The following TBXAS1 variants were observed in gnomAD, a reference collection of about 807,000 sequenced individuals.
TBXAS1 encodes thromboxane-A synthase.
Under a neutral mutation model 60.7 loss-of-function variants are expected in TBXAS1, and 48 were observed. The ratio of observed to expected loss-of-function variants is 0.79; its 90% CI spans 0.63 to 1.01. TBXAS1 has a LOEUF of 1.01. Ranked by LOEUF, TBXAS1 falls within the 50% of genes least tolerant of loss-of-function variation. The pLI, the probability that TBXAS1 is intolerant of heterozygous loss-of-function variation, is 0.00. For synonymous variants in TBXAS1, 287 were observed against 269.7 expected (o/e 1.06, Z -0.63); for missense variants, 685 against 686.3 (o/e 1.00, Z 0.02).
chr7:139,803,939 G>C lies in TBXAS1; in HGVS notation c.-80+16513G>C, dbSNP rs146818396. Among the ~76,000 whole-genome samples the C allele has an allele frequency of 1.9e-3, 294 of 152,336 alleles. 2 individuals are homozygous for C. Among genetic ancestry groups the C allele is most frequent in the African/African-American group, 6.7e-3 (279 of 41,572 alleles). ...GAGCTCTCATGGAGAACCTCTGCTAGGGCAGTGCAGAAAAGAAATGTGGGT... is the reference window on the plus strand; with the variant it reads ...GAGCTCTCATGGAGAACCTCTGCTACGGCAGTGCAGAAAAGAAATGTGGGT... On this transcript the variant is annotated intron_variant, in intron 4 of 16. Coordinates refer to the TBXAS1 transcript ENST00000336425.
intron 1 of TBXAS1, among the ~76,000 whole-genome samples, chr7:139,841,428 G>A (rs1293178692): frequency 2.0e-5 from 3 of 151,912 alleles, no homozygotes. Context: ...CATTTTAAAG[G>A]CATGGATAAT....
chr7:139,872,729 G>T (rs1192139749), intron 2 of TBXAS1, among the ~76,000 whole-genome samples: 1 of 152,172 alleles, frequency 6.6e-6, no homozygotes, highest in African/African-American at 2.4e-5. Context: ...ATGAAACATT[G>T]GTCTTGTCCA....
intron 1 of TBXAS1, among the ~76,000 whole-genome samples, chr7:139,834,130 T>C (rs897063520): frequency 1.3e-5 from 2 of 152,026 alleles, no homozygotes; most frequent in Admixed American, 1.3e-4. Flanking sequence ...CACAACAGAA[T>C]AAAACTGGAA....
chr7:139,925,370 A>C (rs921280889), intron 4 of TBXAS1, among the ~76,000 whole-genome samples: 1 of 152,138 alleles, frequency 6.6e-6, no homozygotes, highest in Non-Finnish European at 1.5e-5. Context: ...TTCTTCAGTA[A>C]AGTTAATTCC....
At chr7:139,806,242 GTTATTTTATT>G (rs56308016) in intron 4 of TBXAS1, among the ~76,000 whole-genome samples, 47 of 126,032 alleles carry the variant, frequency 3.7e-4, no homozygotes, top group Non-Finnish European at 5.4e-4. Flanking sequence ...CCTGGCCTAT[GTTATTTTATT>G]TTATTTTATT....
rs879069362 is a variant in TBXAS1, at chr7:140,015,823, G to C, written c.1327G>C (p.Glu443Gln). ...CGTGGGTGCCCTGCACCATGACCCTGAGCACTGGCCAAGCCCGGAGACCTT... is the reference window on the plus strand; with the variant it reads ...CGTGGGTGCCCTGCACCATGACCCTCAGCACTGGCCAAGCCCGGAGACCTT... ...MAVGALHHDP[E>Q]HWPSPETFNP... The change falls in exon 11 of 13, where the codon GAG becomes CAG. Residue 443 changes from glutamate (E) to glutamine (Q), a missense_variant. By Grantham distance (29) the Glu-to-Gln change is conservative. Transcript: ENST00000448866. 1.2e-6 allele frequency: 2 copies of C among 1,613,816 alleles called. No homozygotes were observed. The highest frequency in any genetic ancestry group is 1.1e-5 in the South Asian group (1 of 91,086).
In TBXAS1 at chr7:139,951,330, T is replaced by C. The variant is rs1184119850; in HGVS notation, c.451-2038T>C. On this transcript the variant is annotated intron_variant, in intron 5 of 12. Coordinates refer to ENST00000448866, the MANE Select transcript of TBXAS1 (RefSeq NM_001061.7). ...GGTACAGATCTCAGGAAGTGATTCA[T>C]TTACCATACACCAATCCACACCTGA... is the stretch of plus-strand genomic sequence containing the variant. 2.0e-5 allele frequency among the ~76,000 whole-genome samples: 3 copies of C among 151,930 alleles called. No individual in the cohort carries two copies. The East Asian group carries it at 5.8e-4, about 29-fold the overall frequency.
intron 1 of TBXAS1, among the ~76,000 whole-genome samples, chr7:139,867,132 A>C (rs1378785202): frequency 6.6e-6 from 1 of 152,240 alleles, no homozygotes; most frequent in African/African-American, 2.4e-5. Context: ...CTCTTCTCCA[A>C]TGTGCAGGAC....
At chr7:139,897,952 G>A (rs573137158) in intron 3 of TBXAS1, among the ~76,000 whole-genome samples, 8 of 152,222 alleles carry the variant, frequency 5.3e-5, no homozygotes, top group East Asian at 3.9e-4. Context: ...AATGACAGAC[G>A]GGAGAGCTGA....
intron 10 of TBXAS1, 57 bp from the exon 11 acceptor site, chr7:140,015,666 C>T (rs1814968962): frequency 6.2e-7 from 1 of 1,603,192 alleles, no homozygotes. Flanking sequence ...CAGCACGCCC[C>T]AAGCTCTGCT....
At chr7:139,833,352 T>A (rs1051513953) in intron 1 of TBXAS1, among the ~76,000 whole-genome samples, 3 of 151,350 alleles carry the variant, frequency 2.0e-5, no homozygotes, top group Non-Finnish European at 4.4e-5. Flanking sequence ...TATTCTCATA[T>A]CAGACAAAAC....
At chr7:139,978,716 T>A (rs1397996382) in intron 9 of TBXAS1, among the ~76,000 whole-genome samples, 1 of 142,572 alleles carries the variant, frequency 7.0e-6, no homozygotes, top group Non-Finnish European at 1.5e-5. Flanking sequence ...GGTGGGAGGA[T>A]CACTTGAGGC....
intron 1 of TBXAS1, among the ~76,000 whole-genome samples, chr7:139,836,108 CAA>C (rs1799044830): frequency 6.6e-6 from 1 of 150,722 alleles, no homozygotes; most frequent in Admixed American, 6.6e-5. Flanking sequence ...CATACCTAAC[CAA>C]AGAGTTGAAA....
At chr7:139,934,753 C>T (rs1303300307) in intron 4 of TBXAS1, among the ~76,000 whole-genome samples, 2 of 152,172 alleles carry the variant, frequency 1.3e-5, no homozygotes, top group African/African-American at 4.8e-5. Context: ...CCAATCTCCT[C>T]TTCTAATAAG....
intron 1 of TBXAS1, among the ~76,000 whole-genome samples, chr7:139,869,535 G>A (rs1454486488): frequency 6.6e-6 from 1 of 152,074 alleles, no homozygotes; most frequent in Non-Finnish European, 1.5e-5. Context: ...TTACAGGCAT[G>A]CAACACTACC....
intron 4 of TBXAS1, among the ~76,000 whole-genome samples, chr7:139,811,489 C>G (rs1192570262): frequency 1.3e-5 from 2 of 152,224 alleles, no homozygotes; most frequent in Non-Finnish European, 2.9e-5. Context: ...TTGTCTGTAC[C>G]TGTCTTTGAT....
At chr7:139,865,723 G>A (rs1584713884) in intron 1 of TBXAS1, among the ~76,000 whole-genome samples, 3 of 138,156 alleles carry the variant, frequency 2.2e-5, no homozygotes, top group African/African-American at 8.3e-5. Context: ...AGAGGAGGAG[G>A]AGGAGGAAGA....
intron 4 of TBXAS1, among the ~76,000 whole-genome samples, chr7:139,915,480 G>A: frequency 6.6e-6 from 1 of 152,228 alleles, no homozygotes; most frequent in East Asian, 1.9e-4. Context: ...ATATTAGTTT[G>A]ATAAATTAAG....
At position 139,936,220 on chromosome 7, in the gene TBXAS1, C is replaced by T. The variant is rs780540044; in HGVS notation, c.363C>T (p.Ala121=). ...CGGGTTTGGAGTTCAAGTCGGTAGCCGACAGCGTTCTGTTTTTACGTGACA... is the reference window on the plus strand; with the variant it reads ...CGGGTTTGGAGTTCAAGTCGGTAGCTGACAGCGTTCTGTTTTTACGTGACA... The part of the protein sequence containing the change: ...MASGLEFKSV[A]DSVLFLRDKR... The change falls in exon 5 of 13, where the codon GCC becomes GCT. Residue 121 remains alanine, a synonymous_variant. Transcript: ENST00000448866. 9.3e-6 allele frequency: 15 copies of T among 1,614,074 alleles called. No homozygotes were observed. The highest frequency in any genetic ancestry group is 4.0e-5 in the African/African-American group (3 of 74,912).
Sources: gnomAD v4.1 joint callset for allele counts (sites outside exome capture counted in the v4.1 genomes callset) on GRCh38, gnomAD v4.1.1 for gene constraint, MANE v1.5 for transcripts, NCBI Gene and HGNC (gene_info 2026-07-23, HGNC 2026-07-21) for gene names.